The following ECPAS variants were observed in gnomAD, a reference collection of about 807,000 sequenced individuals.
ECPAS encodes the protein Ecm29 proteasome adaptor and scaffold.
A neutral mutation model predicts 255.1 loss-of-function variants in ECPAS; 70 were observed. The ratio of observed to expected loss-of-function variants is 0.27; its 90% confidence interval spans 0.23 to 0.33. ECPAS has a LOEUF of 0.33. Among genes scored for constraint, ECPAS ranks in the 10% least tolerant of loss-of-function variants. ECPAS has a pLI of 1.00. For missense variants in ECPAS, 1,817 were observed against 2,206.4 expected (o/e 0.82, Z 3.54); for synonymous variants, 784 against 775.0 (o/e 1.01, Z -0.19).
At chr9:111,420,577 C>T (rs2098212012) in intron 15 of ECPAS, among the ~76,000 whole-genome samples, 1 of 152,146 alleles carries the variant, frequency 6.6e-6, no homozygotes, top group Non-Finnish European at 1.5e-5. Flanking sequence ...CAATTTGAAG[C>T]TAAATACTTC....
intron 24 of ECPAS, among the ~76,000 whole-genome samples, chr9:111,404,808 G>A (rs2098181507): frequency 3.3e-5 from 2 of 60,474 alleles, no homozygotes; most frequent in African/African-American, 1.3e-4. Flanking sequence ...GCTTATAATA[G>A]CTACCAAAAA....
intron 2 of ECPAS, among the ~76,000 whole-genome samples, chr9:111,454,074 T>C (rs1055611154): frequency 2.0e-5 from 3 of 152,284 alleles, no homozygotes; most frequent in Non-Finnish European, 4.4e-5. Flanking sequence ...AAATGCTGAA[T>C]GCTGCTGTAA....
At chr9:111,376,578 A>G (rs2098133572) in intron 36 of ECPAS, 37 bp from the exon 37 acceptor site, 1 of 1,495,574 alleles carries the variant, frequency 6.7e-7, no homozygotes, top group Non-Finnish European at 9.2e-7. Context: ...GGCACATTCA[A>G]TTAATTAGGA....
At chr9:111,479,422 C>A (rs1282241077) in intron 1 of ECPAS, among the ~76,000 whole-genome samples, 1 of 151,706 alleles carries the variant, frequency 6.6e-6, no homozygotes, top group East Asian at 1.9e-4. Flanking sequence ...ACGGTGAAAT[C>A]CTGTCTCTAC....
At chr9:111,463,486 G>A (rs2098275662) in intron 2 of ECPAS, among the ~76,000 whole-genome samples, 1 of 152,180 alleles carries the variant, frequency 6.6e-6, no homozygotes, top group Non-Finnish European at 1.5e-5. Flanking sequence ...AATTCCTTTG[G>A]AATATGAATG....
chr9:111,481,700 G>A (rs1301410258), intron 1 of ECPAS, among the ~76,000 whole-genome samples: 1 of 152,176 alleles, frequency 6.6e-6, no homozygotes, highest in African/African-American at 2.4e-5. Flanking sequence ...AGCAACCCAA[G>A]TGTCCATAGA....
Position 111,376,552 on chromosome 9 carries a change from G to GA in ECPAS, c.3955-12dup. ...ACTATCCATCGCAGCCTAAAGAAGA[G>GA]AAATTAAAGTCACCCGGCACATTCA... On this transcript the variant is annotated splice_polypyrimidine_tract_variant and intron_variant, in intron 36 of 49. Transcript: ENST00000684092. The GA allele has an allele frequency of 3.2e-6, 5 of 1,585,844 alleles. No homozygotes were observed. Among genetic ancestry groups the GA allele is most frequent in the Non-Finnish European group, 3.4e-6 (4 of 1,164,720 alleles).
intron 27 of ECPAS, among the ~76,000 whole-genome samples, 158 bp from the exon 28 acceptor site, chr9:111,393,040 AATC>A (rs1339547708): frequency 6.6e-6 from 1 of 152,232 alleles, no homozygotes; most frequent in Non-Finnish European, 1.5e-5. Flanking sequence ...TAAAAATAAT[AATC>A]ATTTCAGGGG....
At position 111,375,194 on chromosome 9, in the gene ECPAS, T is replaced by C. The variant is rs750048909; in HGVS notation, c.4029A>G (p.Gln1343=). The change falls in exon 38 of 50, where the codon CAA becomes CAG. Residue 1343 remains glutamine, a synonymous_variant. Coordinates refer to ENST00000684092, the MANE Select transcript of ECPAS (RefSeq NM_001364929.1). ...CGCCCAGCACTGACACATCAAGGTATTGCAGGCACTTTTGAAAAAGGACAA... is the reference window on the plus strand; with the variant it reads ...CGCCCAGCACTGACACATCAAGGTACTGCAGGCACTTTTGAAAAAGGACAA... ...PMMETINMCL[Q]YLDVSVLGEL... The C allele has an allele frequency of 2.5e-6, 4 of 1,613,544 alleles. No homozygotes were observed. In the South Asian group the frequency reaches 4.4e-5, roughly 18 times the overall value.
chr9:111,426,341 C>T (rs1483917647), intron 10 of ECPAS, among the ~76,000 whole-genome samples: 1 of 150,438 alleles, frequency 6.6e-6, no homozygotes, highest in African/African-American at 2.5e-5. Flanking sequence ...CCCTCAAGTT[C>T]CTTTTTATGA....
chr9:111,426,847 A>C (rs2098222399), intron 10 of ECPAS, among the ~76,000 whole-genome samples: 1 of 152,110 alleles, frequency 6.6e-6, no homozygotes, highest in African/African-American at 2.4e-5. Context: ...ACATGCCTGT[A>C]GTCCCAGCTA....
intron 22 of ECPAS, 146 bp from the exon 23 acceptor site, chr9:111,410,359 TA>T: frequency 3.3e-6 from 2 of 614,070 alleles, no homozygotes; most frequent in South Asian, 5.8e-5. Flanking sequence ...TGCCAACATT[TA>T]TTCAGTGGAA....
At chr9:111,437,576 A>T (rs2098240001) in intron 6 of ECPAS, among the ~76,000 whole-genome samples, 1 of 152,192 alleles carries the variant, frequency 6.6e-6, no homozygotes, top group African/African-American at 2.4e-5. Flanking sequence ...TGAGGTCTTT[A>T]TCCCTACATT....
intron 5 of ECPAS, among the ~76,000 whole-genome samples, chr9:111,440,833 C>A (rs1185342086): frequency 1.3e-5 from 2 of 152,132 alleles, no homozygotes; most frequent in East Asian, 3.8e-4. Flanking sequence ...TTATATGAAA[C>A]CTTAAGTAAA....
Position 111,417,880 on chromosome 9 carries a change from T to C in ECPAS, c.1683+3A>G. On this transcript the variant is annotated splice_donor_region_variant and intron_variant, in intron 17 of 49. Coordinates refer to ENST00000684092, the MANE Select transcript of ECPAS (RefSeq NM_001364929.1). ...ACTAATTACCTTAAGTTGCATGCCA[T>C]ACCTTTTCTTGGATGTAATAAACCA... The C allele has an allele frequency of 6.4e-7, 1 of 1,553,948 alleles. No individual in the cohort carries two copies. The highest frequency in any genetic ancestry group is 8.7e-7 in the Non-Finnish European group (1 of 1,149,182).
intron 35 of ECPAS, among the ~76,000 whole-genome samples, chr9:111,379,637 G>C (rs1458373857): frequency 6.6e-6 from 1 of 152,156 alleles, no homozygotes; most frequent in Non-Finnish European, 1.5e-5. Flanking sequence ...ATAGCATTTT[G>C]CCCACATTAG....
chr9:111,373,280 G>T (rs761973109), intron 40 of ECPAS, 35 bp downstream of exon 40: 1 of 1,612,826 alleles, frequency 6.2e-7, no homozygotes, highest in Non-Finnish European at 8.5e-7. Flanking sequence ...AACTGTCAAA[G>T]AGTTTTATTT....
At chr9:111,403,694 T>C (rs1158140121) in intron 24 of ECPAS, among the ~76,000 whole-genome samples, 1 of 149,910 alleles carries the variant, frequency 6.7e-6, no homozygotes, top group Non-Finnish European at 1.5e-5. Context: ...CTTTCAATAA[T>C]GGACAGGTCA....
chr9:111,473,970 A>G (rs2098292910), intron 1 of ECPAS, among the ~76,000 whole-genome samples: 1 of 152,188 alleles, frequency 6.6e-6, no homozygotes, highest in African/African-American at 2.4e-5. Flanking sequence ...CTGTCTCAAT[A>G]AAAAAGAAAA....
Sources: gnomAD v4.1 joint callset for allele counts (sites outside exome capture counted in the v4.1 genomes callset) on GRCh38, gnomAD v4.1.1 for gene constraint, MANE v1.5 for transcripts, NCBI Gene and HGNC (gene_info 2026-07-23, HGNC 2026-07-21) for gene names.